Variants in GFI1B observed in about 807,000 individuals in gnomAD.
GFI1B encodes the protein growth factor independent 1B transcriptional repressor.
GFI1B carries 20 observed loss-of-function variants against 35.3 expected under a neutral mutation model. The observed-to-expected ratio is 0.57, with a 90% CI of 0.40 to 0.82. GFI1B has a LOEUF of 0.82. Ranked by LOEUF, GFI1B falls within the 40% of genes least tolerant of loss-of-function variation. The probability of loss-of-function intolerance (pLI) is 0.00; values close to 1 mark genes in which losing one functional copy is unlikely to be tolerated. For missense variants in GFI1B, 430 were observed against 446.3 expected (o/e 0.96, Z 0.33); for synonymous variants, 178 against 177.6 (o/e 1.00, Z -0.02).
intron 4 of GFI1B, 85 bp downstream of exon 4, chr9:132,988,553 T>A (rs1479609628): frequency 1.9e-5 from 24 of 1,251,276 alleles, no homozygotes; most frequent in Non-Finnish European, 2.7e-5. Context: ...GCGTTCTCTG[T>A]GCTGTGAATG....
At chr9:132,984,783 C>A (rs940746679) in intron 1 of GFI1B, among the ~76,000 whole-genome samples, 1 of 152,184 alleles carries the variant, frequency 6.6e-6, no homozygotes, top group African/African-American at 2.4e-5. Context: ...CTGTGCAGAG[C>A]CCCCAGTCCA....
chr9:132,988,495 C>G, intron 4 of GFI1B, 27 bp downstream of exon 4: 1 of 1,605,794 alleles, frequency 6.2e-7, no homozygotes, highest in East Asian at 2.2e-5. Flanking sequence ...GTGGTGGGCA[C>G]CTGGGCCCTC....
At chr9:132,984,852 C>A (rs987879844) in intron 1 of GFI1B, among the ~76,000 whole-genome samples, 1 of 152,122 alleles carries the variant, frequency 6.6e-6, no homozygotes, top group Non-Finnish European at 1.5e-5. Context: ...ATAGTCGGGT[C>A]CCTCTTCTGC....
upstream of GFI1B, among the ~76,000 whole-genome samples, chr9:132,975,888 T>A (rs1564529470): frequency 6.6e-6 from 1 of 152,100 alleles, no homozygotes; most frequent in East Asian, 1.9e-4. Context: ...ACACAGAGCA[T>A]GGGAAGTCCA....
chr9:132,960,280 A>T (rs1316415366), intron 1 of GFI1B, among the ~76,000 whole-genome samples: 1 of 152,232 alleles, frequency 6.6e-6, no homozygotes, highest in Non-Finnish European at 1.5e-5. Flanking sequence ...CAGGGAAGCA[A>T]GACCACAGAA....
intron 1 of GFI1B, among the ~76,000 whole-genome samples, chr9:132,981,967 G>A (rs972824068): frequency 6.6e-6 from 1 of 152,174 alleles, no homozygotes; most frequent in Non-Finnish European, 1.5e-5. Context: ...TGGCCAGGCT[G>A]GTCTTGAACT....
upstream of GFI1B, among the ~76,000 whole-genome samples, chr9:132,974,283 G>C (rs115121832): frequency 1.2e-3 from 189 of 152,228 alleles, 1 homozygote; most frequent in African/African-American, 4.2e-3. Context: ...GGAAGTTAGA[G>C]CAATAAATAA....
chr9:132,991,218 A>G lies in GFI1B; in HGVS notation c.*168A>G. The G allele has an allele frequency of 1.5e-6, 1 of 650,794 alleles. No individual in the cohort carries two copies. The highest frequency in any genetic ancestry group is 2.7e-6 in the Non-Finnish European group (1 of 369,276). The allele number at this position is 650,794 out of a possible 1,614,324, so 40.3% of individuals were successfully genotyped here. On this transcript the variant is annotated 3_prime_UTR_variant, in exon 7 of 7. Transcript: ENST00000372122. ...CTGTGTGACCTTGGGCAAGTCACTT[A>G]CCCTGTCTGGATCAACATTTCTCCT...
At position 132,961,904 on chromosome 9, in the gene GFI1B, T is replaced by A. The variant is rs1014996100; in HGVS notation, c.-700-10821T>A. On this transcript the variant is annotated intron_variant, in intron 1 of 10. Transcript: ENST00000339463. ...CCGCACCCGGCCAAAATTCCCCAAA[T>A]TTGACAACCCACCTTGCTGGCAAGG... 3.3e-5 allele frequency among the ~76,000 whole-genome samples: 5 copies of A among 152,104 alleles called. 1 individual carries two copies. The highest frequency in any genetic ancestry group is 1.9e-4 in the East Asian group (1 of 5,150).
intron 1 of GFI1B, among the ~76,000 whole-genome samples, chr9:132,966,812 G>A (rs548510783): frequency 2.6e-5 from 4 of 152,304 alleles, no homozygotes; most frequent in South Asian, 2.1e-4. Context: ...AGCCCACAGC[G>A]TCACCTGTGA....
At chr9:132,970,364 G>T (rs898725960) in intron 1 of GFI1B, among the ~76,000 whole-genome samples, 2 of 152,272 alleles carry the variant, frequency 1.3e-5, no homozygotes, top group Non-Finnish European at 2.9e-5. Context: ...ACTCGAAGGG[G>T]CTTGACTGGG....
intron 1 of GFI1B, chr9:132,952,985 T>A (rs1205744758): frequency 1.3e-5 from 2 of 152,232 alleles, no homozygotes; most frequent in African/African-American, 4.8e-5. Flanking sequence ...TTAAAAATAC[T>A]TGTTGATTCG....
rs756907049 is a variant in GFI1B, at chr9:132,987,349, C to T, written c.168C>T (p.Asp56=). Residue 56 remains aspartate, a synonymous_variant, in exon 3 of 7, where the codon GAC becomes GAT. Transcript: ENST00000372122. ...LSTLFPNQCL[D]WTNLKREPEL... ...CTCTATTCCCAAACCAGTGCCTGGA[C>T]TGGACCAACCTCAAACGAGAGCCGG... The T allele has an allele frequency of 4.8e-5, 77 of 1,614,120 alleles. No individual in the cohort carries two copies. Among genetic ancestry groups the T allele is most frequent in the South Asian group, 3.8e-4 (35 of 91,096 alleles).
At chr9:132,951,495 C>G (rs1848201716) in intron 1 of GFI1B, 1 of 152,214 alleles carries the variant, frequency 6.6e-6, no homozygotes, top group South Asian at 2.1e-4. Flanking sequence ...AGTTTATTAT[C>G]TCCCTATTAA....
At chr9:132,953,351 C>T (rs150642294) in intron 1 of GFI1B, 2 of 152,322 alleles carry the variant, frequency 1.3e-5, no homozygotes, top group African/African-American at 4.8e-5. Context: ...AATTTAAGAG[C>T]TTTACAACAA....
intron 1 of GFI1B, among the ~76,000 whole-genome samples, chr9:132,961,958 G>A (rs1222637173): frequency 2.6e-5 from 4 of 151,808 alleles, no homozygotes; most frequent in Admixed American, 1.3e-4. Context: ...ACTTCTGGGA[G>A]TGGGAGGACA....
chr9:132,987,946 G>A (rs924813060), intron 3 of GFI1B, among the ~76,000 whole-genome samples: 4 of 152,130 alleles, frequency 2.6e-5, no homozygotes, highest in Admixed American at 2.0e-4. Flanking sequence ...CCAGGTTCAA[G>A]CAATTCTCCT....
intron 1 of GFI1B, among the ~76,000 whole-genome samples, chr9:132,961,258 A>G (rs1848357038): frequency 6.6e-6 from 1 of 152,190 alleles, no homozygotes; most frequent in South Asian, 2.1e-4. Flanking sequence ...AAAACAAAAC[A>G]AAACAAAAAC....
chr9:132,963,462 CAG>C (rs1275387388), intron 1 of GFI1B, among the ~76,000 whole-genome samples: 1 of 152,024 alleles, frequency 6.6e-6, no homozygotes, highest in Non-Finnish European at 1.5e-5. Context: ...GTCTGGGCGA[CAG>C]AGACAGATTC....
Sources: gnomAD v4.1 joint callset for allele counts (sites outside exome capture counted in the v4.1 genomes callset) on GRCh38, gnomAD v4.1.1 for gene constraint, MANE v1.5 for transcripts, NCBI Gene and HGNC (gene_info 2026-07-23, HGNC 2026-07-21) for gene names.